The following USP6 variants were observed in gnomAD, a reference collection of about 807,000 sequenced individuals.
The protein encoded by USP6 is ubiquitin carboxyl-terminal hydrolase 6.
USP6 carries 128 observed loss-of-function variants against 175.7 expected under a neutral mutation model. The observed-to-expected ratio is 0.73, with a 90% CI of 0.63 to 0.84. The LOEUF (loss-of-function observed/expected upper bound fraction) is 0.84, where lower values mean the gene tolerates loss of function less well. USP6 is among the 40% of genes least tolerant of loss of function. USP6 has a pLI of 0.00. For missense variants in USP6, 1,498 were observed against 1,760.3 expected (o/e 0.85, Z 2.67); for synonymous variants, 562 against 630.6 (o/e 0.89, Z 1.63).
intron 29 of USP6, among the ~76,000 whole-genome samples, chr17:5,147,581 A>G (rs1172342958): frequency 3.3e-5 from 5 of 152,244 alleles, no homozygotes; most frequent in Non-Finnish European, 7.3e-5. Flanking sequence ...AGCCACTAGT[A>G]TGCTTTGTCT....
intron 25 of USP6, among the ~76,000 whole-genome samples, chr17:5,143,092 GC>G (rs1029927408): frequency 6.6e-6 from 1 of 152,108 alleles, no homozygotes; most frequent in Non-Finnish European, 1.5e-5. Flanking sequence ...CGGGGGGTCA[GC>G]CCCCCACCCG....
chr17:5,172,498 A>T (rs1358134009), intron 37 of USP6, among the ~76,000 whole-genome samples: 11 of 152,196 alleles, frequency 7.2e-5, no homozygotes, highest in Non-Finnish European at 1.0e-4. Flanking sequence ...ACCAGTGCAC[A>T]CCAGCCTGGT....
intron 30 of USP6, among the ~76,000 whole-genome samples, chr17:5,150,758 G>C (rs563631870): frequency 6.6e-6 from 1 of 152,098 alleles, no homozygotes; most frequent in Non-Finnish European, 1.5e-5. Context: ...CTCCCGAAGT[G>C]CTGGGTTTAC....
chr17:5,151,834 A>G (rs939821144), intron 30 of USP6, among the ~76,000 whole-genome samples: 3 of 152,230 alleles, frequency 2.0e-5, no homozygotes, highest in South Asian at 2.1e-4. Flanking sequence ...CAGGTGGTCT[A>G]TAGAGCTAAA....
intron 36 of USP6, among the ~76,000 whole-genome samples, chr17:5,171,119 C>CAGG (rs2074208441): frequency 6.6e-6 from 1 of 152,080 alleles, no homozygotes; most frequent in Admixed American, 6.5e-5. Context: ...AAGGCTGAGA[C>CAGG]AGGAGGATCG....
chr17:5,137,508 T>G, intron 19 of USP6, 143 bp from the exon 20 acceptor site: 1 of 882,852 alleles, frequency 1.1e-6, no homozygotes, highest in South Asian at 1.5e-5. Flanking sequence ...CAAGACCTTT[T>G]CTGACTCAGC....
At chr17:5,164,054 A>G (rs2074055107) in intron 33 of USP6, among the ~76,000 whole-genome samples, 1 of 152,246 alleles carries the variant, frequency 6.6e-6, no homozygotes, top group Non-Finnish European at 1.5e-5. Flanking sequence ...TCTGATGGAG[A>G]GGTAAAAGCA....
chr17:5,148,418 T>G, intron 29 of USP6, 138 bp from the exon 30 acceptor site: 1 of 1,046,594 alleles, frequency 9.6e-7, no homozygotes, highest in Non-Finnish European at 1.4e-6. Context: ...CCAATAAATC[T>G]AGAATTATTT....
chr17:5,172,610 A>G (rs1391878774), intron 37 of USP6, among the ~76,000 whole-genome samples, 195 bp from the exon 38 acceptor site: 1 of 152,248 alleles, frequency 6.6e-6, no homozygotes, highest in African/African-American at 2.4e-5. Flanking sequence ...TCTATGGTCA[A>G]AATATTTTCC....
chr17:5,160,851 A>G (rs2073991380), intron 31 of USP6, among the ~76,000 whole-genome samples: 1 of 152,226 alleles, frequency 6.6e-6, no homozygotes, highest in Admixed American at 6.5e-5. Context: ...CCAACAGTGT[A>G]AAAGTGTTCC....
At position 5,162,898 on chromosome 17, in the gene USP6, G is replaced by A. The variant is rs772941201; in HGVS notation, c.2930G>A (p.Cys977Tyr). 5 of 1,604,928 alleles carry A rather than the reference G, an allele frequency of 3.1e-6. No homozygotes were observed. Among genetic ancestry groups the A allele is most frequent in the Non-Finnish European group, 4.2e-6 (5 of 1,178,036 alleles). ...WCPQYRFCRG[C>Y]KIDCGEDRAF... ...CCCCTTTTTAGATTTTGCAGAGGCT[G>A]TAAAATTGATTGTGGGGAAGACAGA... Residue 977 changes from cysteine to tyrosine, a missense_variant, in exon 33 of 38, where the codon TGT (cysteine) becomes TAT (tyrosine). Physicochemically the swap from Cys to Tyr is radical, Grantham distance 194. Transcript: ENST00000574788.
chr17:5,130,661 C>T lies in USP6; in HGVS notation c.132C>T (p.Ser44=). The T allele has an allele frequency of 6.2e-7, 1 of 1,613,996 alleles. No individual in the cohort carries two copies. The highest frequency in any genetic ancestry group is 2.2e-5 in the East Asian group (1 of 44,880). ...CTGAGCCCGTTGGAATCAACAGCAG[C>T]ATTGATCGTTTTGGCATTTTGCAGT... The part of the protein sequence containing the change: ...KGPEPVGINS[S]IDRFGILHET... Residue 44 remains serine (S), a synonymous_variant, in exon 11 of 38, where the codon AGC becomes AGT. Transcript: ENST00000574788.
chr17:5,162,810 A>T, intron 32 of USP6, 74 bp from the exon 33 acceptor site: 4 of 1,555,810 alleles, frequency 2.6e-6, no homozygotes, highest in Non-Finnish European at 2.6e-6. Context: ...AGGAAGGGAG[A>T]ATATTTTTTA....
intron 29 of USP6, among the ~76,000 whole-genome samples, chr17:5,147,809 A>G (rs6502847): frequency 0.98 from 149,560 of 152,328 alleles, 73,496 homozygotes; most frequent in East Asian, 1. Flanking sequence ...GTATCCACCA[A>G]TCACGTGGAC....
chr17:5,127,230 G>A (rs983872491), intron 6 of USP6, among the ~76,000 whole-genome samples: 3 of 151,438 alleles, frequency 2.0e-5, no homozygotes, highest in African/African-American at 4.8e-5. Context: ...ACTGGGCTCC[G>A]CCGCCCCTAG....
chr17:5,138,403 A>T (rs1230241304), intron 21 of USP6, 130 bp downstream of exon 21: 3 of 1,515,514 alleles, frequency 2.0e-6, no homozygotes, highest in Non-Finnish European at 2.7e-6. Context: ...TTCCTCCTGG[A>T]CTCTAAGAAA....
In USP6 at chr17:5,139,415, G is replaced by A. The variant is rs144340307; in HGVS notation, c.1239G>A (p.Thr413=). ...CGCCATGGGCATCTCGTTTTTCCACGCCCTGTCCTGGTGGGGCTGTCCGGG... is the reference window on the plus strand; with the variant it reads ...CGCCATGGGCATCTCGTTTTTCCACACCCTGTCCTGGTGGGGCTGTCCGGG... ...ASPPWASRFS[T]PCPGGAVRED... Residue 413 remains threonine (T), a synonymous_variant, in exon 22 of 38, where the codon ACG becomes ACA. Transcript: ENST00000574788. 4,839 of 1,613,194 alleles carry A rather than the reference G, an allele frequency of 3.0e-3. 8 individuals are homozygous for A. The highest frequency in any genetic ancestry group is 5.5e-3 in the Middle Eastern group (30 of 5,422).
At chr17:5,156,308 T>G (rs937533407) in intron 31 of USP6, among the ~76,000 whole-genome samples, 7 of 152,056 alleles carry the variant, frequency 4.6e-5, no homozygotes, top group African/African-American at 1.7e-4. Flanking sequence ...CTTTTCTTTT[T>G]TTTTTTTCTT....
At chr17:5,147,672 G>A (rs2073649964) in intron 29 of USP6, among the ~76,000 whole-genome samples, 2 of 152,144 alleles carry the variant, frequency 1.3e-5, no homozygotes, top group Admixed American at 6.5e-5. Flanking sequence ...CTTCATTGAC[G>A]TGTAGTAGGT....
Sources: gnomAD v4.1 joint callset for allele counts (sites outside exome capture counted in the v4.1 genomes callset) on GRCh38, gnomAD v4.1.1 for gene constraint, MANE v1.5 for transcripts, NCBI Gene and HGNC (gene_info 2026-07-23, HGNC 2026-07-21) for gene names.